PRKG1: variants seen among roughly 807,000 people sequenced by gnomAD.
The protein encoded by PRKG1 is cGMP-dependent protein kinase 1.
A neutral mutation model predicts 88.1 loss-of-function variants in PRKG1; 35 were observed. That is an observed-to-expected ratio of 0.40 (90% confidence interval 0.30 to 0.53). PRKG1 has a LOEUF of 0.53. Among genes scored for constraint, PRKG1 ranks in the 20% least tolerant of loss-of-function variants. The probability of loss-of-function intolerance (pLI) is 0.59; values close to 1 mark genes in which losing one functional copy is unlikely to be tolerated. For missense variants in PRKG1, 540 were observed against 839.8 expected, an observed-to-expected ratio of 0.64 and a Z score of 4.41; for synonymous variants, 303 against 292.5, an observed-to-expected ratio of 1.04 and a Z score of -0.37.
intron 8 of PRKG1, among the ~76,000 whole-genome samples, chr10:52,156,226 C>T (rs1298360335): frequency 1.3e-5 from 2 of 151,816 alleles, no homozygotes; most frequent in Non-Finnish European, 2.9e-5. Context: ...GTTAGTTACT[C>T]ATAAAAATGT....
chr10:52,268,993 G>T (rs1329133312), intron 10 of PRKG1, among the ~76,000 whole-genome samples: 1 of 151,736 alleles, frequency 6.6e-6, no homozygotes, highest in Non-Finnish European at 1.5e-5. Context: ...GGACTAAGTG[G>T]AGTCAGAATT....
intron 2 of PRKG1, among the ~76,000 whole-genome samples, chr10:51,375,604 G>C (rs901275141): frequency 6.6e-6 from 1 of 152,146 alleles, no homozygotes; most frequent in Non-Finnish European, 1.5e-5. Flanking sequence ...GGGATACGCA[G>C]CCTGTTGTAT....
At chr10:51,630,554 T>A (rs1411752444) in intron 3 of PRKG1, among the ~76,000 whole-genome samples, 4 of 152,174 alleles carry the variant, frequency 2.6e-5, no homozygotes, top group Non-Finnish European at 5.9e-5. Flanking sequence ...AAAGTGCACA[T>A]AACATACCCT....
intron 2 of PRKG1, among the ~76,000 whole-genome samples, chr10:51,225,460 A>G (rs779275909): frequency 2.6e-5 from 4 of 152,150 alleles, no homozygotes; most frequent in Non-Finnish European, 5.9e-5. Context: ...ATTGTATCCA[A>G]AGAAAGGTCT....
intron 2 of PRKG1, among the ~76,000 whole-genome samples, chr10:51,403,224 A>G (rs1157368942): frequency 2.0e-5 from 3 of 152,206 alleles, no homozygotes; most frequent in Non-Finnish European, 4.4e-5. Context: ...TAATTAAGCC[A>G]TCAGATGATT....
chr10:52,019,349 T>C (rs1845123523), intron 5 of PRKG1, among the ~76,000 whole-genome samples: 1 of 152,186 alleles, frequency 6.6e-6, no homozygotes, highest in South Asian at 2.1e-4. Context: ...ATGGTGTCAT[T>C]ATCCTTCTTG....
chr10:52,263,769 C>T (rs1249027795), intron 10 of PRKG1, among the ~76,000 whole-genome samples: 1 of 151,754 alleles, frequency 6.6e-6, no homozygotes, highest in Non-Finnish European at 1.5e-5. Context: ...GAGACATGGC[C>T]ATGTTGCCCA....
chr10:52,184,478 C>G (rs976864857), intron 9 of PRKG1, among the ~76,000 whole-genome samples: 24 of 152,098 alleles, frequency 1.6e-4, no homozygotes, highest in African/African-American at 5.8e-4. Flanking sequence ...CTAAATTAAT[C>G]TATTCATAGG....
chr10:51,461,702 A>G (rs760838615), intron 2 of PRKG1, among the ~76,000 whole-genome samples: 32 of 152,332 alleles, frequency 2.1e-4, no homozygotes, highest in Middle Eastern at 3.4e-3. Flanking sequence ...ATTCAAGAAC[A>G]AAATTGCATC....
chr10:51,634,203 A>C (rs1157065301), intron 3 of PRKG1, among the ~76,000 whole-genome samples: 1 of 152,128 alleles, frequency 6.6e-6, no homozygotes, highest in African/African-American at 2.4e-5. Context: ...AGGAAGTAAC[A>C]AAAAAATGAG....
chr10:51,139,016 G>A (rs995985039), intron 1 of PRKG1, among the ~76,000 whole-genome samples: 2 of 151,978 alleles, frequency 1.3e-5, no homozygotes, highest in Admixed American at 6.6e-5. Context: ...CCTACTCTCC[G>A]TGTAAACTTA....
At chr10:51,850,039 A>C (rs1840505734) in intron 4 of PRKG1, among the ~76,000 whole-genome samples, 1 of 151,064 alleles carries the variant, frequency 6.6e-6, no homozygotes, top group African/African-American at 2.5e-5. Flanking sequence ...AATTTCAAAT[A>C]GATAAGGATT....
intron 7 of PRKG1, among the ~76,000 whole-genome samples, chr10:52,103,329 C>A (rs1005375837): frequency 6.6e-5 from 10 of 152,054 alleles, no homozygotes; most frequent in Admixed American, 5.9e-4. Flanking sequence ...ACTGTGCCTG[C>A]CTCTCCTGCC....
At chr10:52,189,462 C>A (rs1839307902) in intron 9 of PRKG1, among the ~76,000 whole-genome samples, 1 of 152,126 alleles carries the variant, frequency 6.6e-6, no homozygotes, top group African/African-American at 2.4e-5. Context: ...GACAAGCGAG[C>A]ATTACTACCT....
At chr10:51,627,610 G>A (rs1296458547) in intron 3 of PRKG1, among the ~76,000 whole-genome samples, 7 of 152,124 alleles carry the variant, frequency 4.6e-5, no homozygotes. Flanking sequence ...GGAATCATTA[G>A]GATATAGCAA....
At chr10:51,679,377 C>T (rs946999252) in intron 3 of PRKG1, among the ~76,000 whole-genome samples, 4 of 151,990 alleles carry the variant, frequency 2.6e-5, no homozygotes, top group African/African-American at 7.3e-5. Context: ...ATGTTTCACT[C>T]AGAAAAATTT....
chr10:51,013,681 C>T (rs1486384235), intron 1 of PRKG1, among the ~76,000 whole-genome samples: 1 of 152,098 alleles, frequency 6.6e-6, no homozygotes, highest in Non-Finnish European at 1.5e-5. Context: ...TGAGCCACTG[C>T]GCCCGGCCCT....
chr10:51,602,877 T>A (rs1224609406), intron 3 of PRKG1, among the ~76,000 whole-genome samples: 1 of 151,972 alleles, frequency 6.6e-6, no homozygotes, highest in Non-Finnish European at 1.5e-5. Context: ...TTCCTAGGTA[T>A]AATGTTTTTA....
chr10:51,477,780 C>A (rs1389359650), intron 3 of PRKG1, among the ~76,000 whole-genome samples: 1 of 151,912 alleles, frequency 6.6e-6, no homozygotes, highest in Non-Finnish European at 1.5e-5. Context: ...ATTTGAAACC[C>A]ATAGATACAG....
Sources: allele counts gnomAD v4.1 joint callset (sites outside exome capture counted in the v4.1 genomes callset), GRCh38; gene constraint gnomAD v4.1.1; transcripts MANE v1.5; gene names NCBI Gene and HGNC (gene_info 2026-07-23, HGNC 2026-07-21).